LRIG1: variants seen among roughly 807,000 people sequenced by gnomAD.
LRIG1 encodes the protein leucine rich repeats and immunoglobulin like domains 1.
A neutral mutation model predicts 99.2 loss-of-function variants in LRIG1; 48 were observed. The observed-to-expected ratio is 0.48, with a 90% CI of 0.38 to 0.62. LRIG1 has a LOEUF of 0.62. Among genes scored for constraint, LRIG1 ranks in the 20% least tolerant of loss-of-function variants. The pLI is 0.00. For synonymous variants in LRIG1, 772 were observed against 596.1 expected (o/e 1.29, Z -4.30); for missense variants, 1,646 against 1,434.4 (o/e 1.15, Z -2.38).
chr3:66,500,080 CCA>C lies in LRIG1; in HGVS notation c.218+108_218+109del. 6 of 818,586 alleles carry C rather than the reference CCA, an allele frequency of 7.3e-6. No homozygotes were observed. In the Admixed American group the frequency reaches 1.5e-4, roughly 20 times the overall value. 50.7% of individuals were successfully genotyped at this position (818,586 alleles called of 1,614,324 possible). On this transcript the variant is annotated intron_variant, in intron 1 of 18. Transcript: ENST00000273261. ...CCAACACGCACAAGCACGCACAACT[CCA>C]CACACACAACCCAGTCCGCACCCCC...
chr3:66,499,838 C>A (rs1701314276), intron 1 of LRIG1, among the ~76,000 whole-genome samples: 2 of 132,752 alleles, frequency 1.5e-5, no homozygotes, highest in Admixed American at 7.5e-5. Flanking sequence ...GTTTCCCACC[C>A]ACCCACCCGC....
intron 2 of LRIG1, 82 bp from the exon 3 acceptor site, chr3:66,451,715 G>A (rs953231573): frequency 7.9e-6 from 8 of 1,015,738 alleles, no homozygotes; most frequent in African/African-American, 1.6e-5. Context: ...ATAAACAAAC[G>A]CTGCTAAGTC....
Position 66,422,776 on chromosome 3 carries a change from G to A in LRIG1, c.366-5510C>T, listed in dbSNP as rs1248974062. ...ATTTACTGTCTTAGTTATTTTTCAC[G>A]CTGCTGATAAAGACACAAAGACTGG... On this transcript the variant is annotated intron_variant, in intron 3 of 18. Coordinates refer to ENST00000273261, the MANE Select transcript of LRIG1 (RefSeq NM_015541.3). Among the ~76,000 whole-genome samples the A allele has an allele frequency of 3.9e-5, 6 of 152,184 alleles. No individual in the cohort carries two copies. In the East Asian group the frequency reaches 5.8e-4, roughly 15 times the overall value.
At position 66,431,126 on chromosome 3, in the gene LRIG1, G is replaced by T. The variant is rs566719201; in HGVS notation, c.366-13860C>A. Among the ~76,000 whole-genome samples, 26 of 152,268 alleles carry T rather than the reference G, an allele frequency of 1.7e-4. 1 individual carries two copies. In the East Asian group the frequency reaches 4.4e-3, roughly 26 times the overall value. On this transcript the variant is annotated intron_variant, in intron 3 of 18. Coordinates refer to ENST00000273261, the MANE Select transcript of LRIG1 (RefSeq NM_015541.3). ...AGCCCGGCACAACCGTGGATCCCGG[G>T]TACGGCACAGCTGAACTGAACCCCT...
At chr3:66,382,731 G>C (rs746625903) in intron 15 of LRIG1, among the ~76,000 whole-genome samples, 5 of 152,238 alleles carry the variant, frequency 3.3e-5, no homozygotes, top group Non-Finnish European at 7.3e-5. Flanking sequence ...CTCTGAGTTA[G>C]CAAGGAGAGG....
intron 9 of LRIG1, among the ~76,000 whole-genome samples, chr3:66,402,616 C>G (rs1702102537): frequency 6.6e-6 from 1 of 152,206 alleles, no homozygotes; most frequent in Non-Finnish European, 1.5e-5. Context: ...ACCTTCCCAT[C>G]CTAGGGCAGA....
In LRIG1 at chr3:66,408,913, AGTGTGTGTGTGTGTGTGTGTGT is replaced by A. The variant is rs55651719; in HGVS notation, c.935+1194_935+1215del. On this transcript the variant is annotated intron_variant, in intron 7 of 18. Coordinates refer to ENST00000273261, the MANE Select transcript of LRIG1 (RefSeq NM_015541.3). ...GTCACCAAAATATAAACTCCAAGTC[AGTGTGTGTGTGTGTGTGTGTGT>A]GTGTGTGTGTGTGTGTGTGTGTGTG... Among the ~76,000 whole-genome samples, 26 of 34,914 alleles carry A rather than the reference AGTGTGTGTGTGTGTGTGTGTGT, an allele frequency of 7.4e-4. 1 individual carries two copies. Among genetic ancestry groups the A allele is most frequent in the South Asian group, 1.3e-3 (1 of 766 alleles). The allele number at this position is 34,914 out of a possible 152,430, so 22.9% of individuals were successfully genotyped here. A position where few individuals can be genotyped will look rare whatever the true frequency, so the allele number is the denominator to read the frequency against.
At chr3:66,384,574 T>C (rs998911322) in intron 13 of LRIG1, among the ~76,000 whole-genome samples, 2 of 151,876 alleles carry the variant, frequency 1.3e-5, no homozygotes, top group Non-Finnish European at 2.9e-5. Context: ...GGGGTGCCCA[T>C]CCACACTAGG....
chr3:66,401,510 T>C lies in LRIG1; in HGVS notation c.1161-2469A>G, dbSNP rs969737516. On this transcript the variant is annotated intron_variant, in intron 9 of 18. Transcript: ENST00000273261. Reference sequence around the variant, plus strand: ...GACCTGTTTTACAATGAGGGCAGGCTGTTATTTTTAACGGTGACAATAGCA... The same window carrying C: ...GACCTGTTTTACAATGAGGGCAGGCCGTTATTTTTAACGGTGACAATAGCA... 8 of 758,914 alleles carry C rather than the reference T, an allele frequency of 1.1e-5. No individual in the cohort carries two copies. The Admixed American group carries it at 2.0e-4, about 19-fold the overall frequency. The allele number at this position is 758,914 out of a possible 1,614,324, so 47.0% of individuals were successfully genotyped here.
In LRIG1 at chr3:66,379,547, T is replaced by TGTGATGGA. The variant is rs1451964647; in HGVS notation, c.*708_*715dup. The TGTGATGGA allele has an allele frequency of 6.6e-6, 1 of 152,074 alleles. No individual in the cohort carries two copies. Among genetic ancestry groups the TGTGATGGA allele is most frequent in the Non-Finnish European group, 1.5e-5 (1 of 67,990 alleles). The allele number at this position is 152,074 out of a possible 1,614,324, so 9.4% of individuals were successfully genotyped here. On this transcript the variant is annotated 3_prime_UTR_variant, in exon 19 of 19. Coordinates refer to ENST00000273261, the MANE Select transcript of LRIG1 (RefSeq NM_015541.3). ...TGTTTAACTGTTCTGACCTTTTGCT[T>TGTGATGGA]GTGATGGATTAACAACCCTCATTCT...
chr3:66,387,544 A>G (rs1334913557), intron 12 of LRIG1: 3 of 152,214 alleles, frequency 2.0e-5, no homozygotes, highest in Non-Finnish European at 4.4e-5. Context: ...GTCACTAGGC[A>G]AGCTGTAACA....
chr3:66,385,667 A>T (rs140059223), intron 13 of LRIG1, among the ~76,000 whole-genome samples: 226 of 152,272 alleles, frequency 1.5e-3, no homozygotes, highest in African/African-American at 4.9e-3. Flanking sequence ...TGGCCACACT[A>T]GTCTCGAACT....
chr3:66,488,616 G>A (rs1312161240), intron 1 of LRIG1, among the ~76,000 whole-genome samples: 2 of 152,144 alleles, frequency 1.3e-5, no homozygotes, highest in Admixed American at 6.6e-5. Flanking sequence ...CAACCTGGGC[G>A]ACAGAGTGAG....
At chr3:66,396,638 G>A (rs542110889) in intron 11 of LRIG1, among the ~76,000 whole-genome samples, 59 of 152,232 alleles carry the variant, frequency 3.9e-4, no homozygotes, top group Non-Finnish European at 8.7e-4. Context: ...CACGCTGGAG[G>A]TCCAAGCTTC....
Position 66,380,480 on chromosome 3 carries a change from G to A in LRIG1, c.3065C>T (p.Ser1022Phe), listed in dbSNP as rs1432941634. The A allele has an allele frequency of 5.0e-6, 8 of 1,614,062 alleles. No individual in the cohort carries two copies. Among genetic ancestry groups the A allele is most frequent in the Admixed American group, 3.3e-5 (2 of 60,014 alleles). ...GTGATACAACCTTGCTAAAGTCCAG[G>A]AAGAATCCCCTACAAGGAAAGAACG... is the stretch of plus-strand genomic sequence containing the variant. ...MASLDGKGDS[S>F]WTLARLYHPD... The change falls in exon 19 of 19, where the codon TCC (serine) becomes TTC (phenylalanine). Residue 1022 changes from serine (S) to phenylalanine (F), a missense_variant. By Grantham distance (155) the Ser-to-Phe change is radical. Coordinates refer to ENST00000273261, the MANE Select transcript of LRIG1 (RefSeq NM_015541.3).
At chr3:66,408,486 G>T (rs2106660181) in intron 7 of LRIG1, among the ~76,000 whole-genome samples, 2 of 152,282 alleles carry the variant, frequency 1.3e-5, no homozygotes, top group African/African-American at 4.8e-5. Context: ...GATCTTTGCT[G>T]CCCCTTCTAG....
At position 66,384,235 on chromosome 3, in the gene LRIG1, G is replaced by T. The variant is rs768794170; in HGVS notation, c.1827C>A (p.Thr609=). 2 of 1,613,320 alleles carry T rather than the reference G, an allele frequency of 1.2e-6. No individual in the cohort carries two copies. Among genetic ancestry groups the T allele is most frequent in the African/African-American group, 2.7e-5 (2 of 74,884 alleles). Residue 609 remains threonine (T), a synonymous_variant, in exon 14 of 19, where the codon ACC becomes ACA. Transcript: ENST00000273261. Reference sequence around the variant, plus strand: ...GGCGGGCCATGGTGGTGGTCCGGATGGTTATGTCGTGGGGCGTTTTGGTGA... The same window carrying T: ...GGCGGGCCATGGTGGTGGTCCGGATTGTTATGTCGTGGGGCGTTTTGGTGA... ...PSFTKTPHDI[T]IRTTTMARLE... is the part of the protein sequence containing the mutation.
chr3:66,471,051 G>C (rs988643883), intron 1 of LRIG1, among the ~76,000 whole-genome samples: 1 of 152,176 alleles, frequency 6.6e-6, no homozygotes, highest in Non-Finnish European at 1.5e-5. Context: ...GCAGTTGGTG[G>C]GGACTTTACA....
In LRIG1 at chr3:66,384,353, G is replaced by A; in HGVS notation, c.1790-81C>T. 12 of 1,429,150 alleles carry A rather than the reference G, an allele frequency of 8.4e-6. 1 individual carries two copies. The South Asian group carries it at 1.3e-4, about 15-fold the overall frequency. The allele number at this position is 1,429,150 out of a possible 1,614,324, so 88.5% of individuals were successfully genotyped here. On this transcript the variant is annotated intron_variant, in intron 13 of 18. Coordinates refer to ENST00000273261, the MANE Select transcript of LRIG1 (RefSeq NM_015541.3). ...GAAGTCCTCTGGCAAACACCTACCT[G>A]TCACTGTGCCCAGTGCCAGTTCACT...
Sources: gnomAD v4.1 joint callset for allele counts (sites outside exome capture counted in the v4.1 genomes callset) on GRCh38, gnomAD v4.1.1 for gene constraint, MANE v1.5 for transcripts, NCBI Gene and HGNC (gene_info 2026-07-23, HGNC 2026-07-21) for gene names.